The following HIBADH variants were observed in gnomAD, a reference collection of about 807,000 sequenced individuals.
The protein encoded by HIBADH is 3-hydroxyisobutyrate dehydrogenase.
A neutral mutation model predicts 36.1 loss-of-function variants in HIBADH; 25 were observed. The observed-to-expected ratio is 0.69, with a 90% confidence interval of 0.50 to 0.97. HIBADH has a LOEUF of 0.97. Among genes scored for constraint, HIBADH ranks in the 50% least tolerant of loss-of-function variants. The pLI, the probability that HIBADH is intolerant of heterozygous loss-of-function variation, is 0.00. For missense variants in HIBADH, 421 were observed against 418.0 expected (o/e 1.01, Z -0.06); for synonymous variants, 160 against 149.5 (o/e 1.07, Z -0.51).
At chr7:27,595,440 C>A (rs1185718408) in intron 4 of HIBADH, among the ~76,000 whole-genome samples, 2 of 152,026 alleles carry the variant, frequency 1.3e-5, no homozygotes, top group Admixed American at 1.3e-4. Flanking sequence ...ATCATTTGAA[C>A]CTGGGAGGCA....
At chr7:27,625,757 G>C (rs1169785051) in intron 4 of HIBADH, among the ~76,000 whole-genome samples, 4 of 152,078 alleles carry the variant, frequency 2.6e-5, no homozygotes. Flanking sequence ...AAACTCAAGA[G>C]GAAGAGAATC....
In HIBADH at chr7:27,576,339, T is replaced by C. The variant is rs539468121; in HGVS notation, c.485-33239A>G. Among the ~76,000 whole-genome samples the C allele has an allele frequency of 1.4e-4, 21 of 152,366 alleles. No homozygotes were observed. The South Asian group carries it at 4.1e-3, about 30-fold the overall frequency. ...AACAAAGCCTTTGGCAATGTTCTATTCTAATGATGGAGGGCCAACATCAGA... is the reference window on the plus strand; with the variant it reads ...AACAAAGCCTTTGGCAATGTTCTATCCTAATGATGGAGGGCCAACATCAGA... On this transcript the variant is annotated intron_variant, in intron 4 of 7. Coordinates refer to ENST00000265395, the MANE Select transcript of HIBADH (RefSeq NM_152740.4).
At chr7:27,573,264 C>G (rs1784654768) in intron 4 of HIBADH, among the ~76,000 whole-genome samples, 1 of 152,166 alleles carries the variant, frequency 6.6e-6, no homozygotes, top group Non-Finnish European at 1.5e-5. Flanking sequence ...TCATCCAGCC[C>G]CATAATACAT....
intron 6 of HIBADH, 151 bp from the exon 7 acceptor site, chr7:27,531,499 T>A (rs899457553): frequency 1.7e-5 from 11 of 636,294 alleles, no homozygotes; most frequent in Non-Finnish European, 2.7e-5. Context: ...AAGAATCCAA[T>A]TTTGAATTAT....
intron 7 of HIBADH, among the ~76,000 whole-genome samples, chr7:27,530,053 G>A (rs1026708886): frequency 2.6e-5 from 4 of 152,186 alleles, no homozygotes; most frequent in Admixed American, 6.5e-5. Context: ...TAATGCTAAT[G>A]CACACTTAAT....
chr7:27,597,003 CT>C (rs1228135752), intron 4 of HIBADH, among the ~76,000 whole-genome samples: 1 of 151,928 alleles, frequency 6.6e-6, no homozygotes, highest in African/African-American at 2.4e-5. Context: ...GCAATAAAAA[CT>C]TTTTTTAAAT....
At chr7:27,551,492 C>T (rs1397228453) in intron 4 of HIBADH, among the ~76,000 whole-genome samples, 2 of 152,200 alleles carry the variant, frequency 1.3e-5, no homozygotes, top group African/African-American at 2.4e-5. Context: ...TTAAACATGT[C>T]GAAGTCTTTG....
intron 4 of HIBADH, among the ~76,000 whole-genome samples, chr7:27,545,438 AAAAAC>A: frequency 1.3e-5 from 2 of 152,330 alleles, no homozygotes; most frequent in South Asian, 4.1e-4. Context: ...ACCCTGTCTC[AAAAAC>A]AAAACAAAAA....
chr7:27,556,157 G>A lies in HIBADH; in HGVS notation c.485-13057C>T, dbSNP rs115320445. On this transcript the variant is annotated intron_variant, in intron 4 of 7. Coordinates refer to ENST00000265395, the MANE Select transcript of HIBADH (RefSeq NM_152740.4). ...CTCACTTGTTAATAATATCTGCTTC[G>A]ACAGGACTGTGAAAGACTACATAAG... 1.2e-4 allele frequency among the ~76,000 whole-genome samples: 18 copies of A among 152,082 alleles called. 1 individual carries two copies. Among genetic ancestry groups the A allele is most frequent in the South Asian group, 4.1e-4 (2 of 4,832 alleles).
intron 1 of HIBADH, among the ~76,000 whole-genome samples, chr7:27,650,723 A>C (rs1179817613): frequency 6.7e-6 from 1 of 149,260 alleles, no homozygotes; most frequent in East Asian, 2.1e-4. Context: ...AAAAAAAAAA[A>C]AAAAAAAGCC....
chr7:27,620,510 C>CAA (rs956961177), intron 4 of HIBADH, among the ~76,000 whole-genome samples: 1 of 144,920 alleles, frequency 6.9e-6, no homozygotes, highest in East Asian at 2.0e-4. Flanking sequence ...CAAAACAAAA[C>CAA]AAAAAAAAAA....
At chr7:27,609,100 T>G (rs1031307010) in intron 4 of HIBADH, among the ~76,000 whole-genome samples, 5 of 152,314 alleles carry the variant, frequency 3.3e-5, no homozygotes, top group African/African-American at 1.2e-4. Context: ...TTGGCAATAA[T>G]AGTAATTATT....
intron 4 of HIBADH, among the ~76,000 whole-genome samples, chr7:27,563,003 C>G (rs1784489971): frequency 6.6e-6 from 1 of 152,184 alleles, no homozygotes; most frequent in African/African-American, 2.4e-5. Context: ...CAACCACCAT[C>G]ATCAGTGAGG....
intron 1 of HIBADH, 56 bp downstream of exon 1, chr7:27,662,642 C>T: frequency 8.9e-7 from 1 of 1,119,930 alleles, no homozygotes; most frequent in Non-Finnish European, 1.2e-6. Context: ...GCCGTCTGGA[C>T]AGAAGAAGCG....
At position 27,525,996 on chromosome 7, in the gene HIBADH, A is replaced by G. The variant is rs543513289; in HGVS notation, c.*218T>C. ...AAAAAGGTCAATTAAGCTAGTTAGC[A>G]GAGACTATCAGTGGCTTGCAGAAAA... On this transcript the variant is annotated 3_prime_UTR_variant, in exon 8 of 8. Transcript: ENST00000265395. 1 of 337,968 alleles carries G rather than the reference A, an allele frequency of 3.0e-6. No homozygotes were observed. Among genetic ancestry groups the G allele is most frequent in the East Asian group, 4.9e-5 (1 of 20,272 alleles). The allele number at this position is 337,968 out of a possible 1,614,324, so 20.9% of individuals were successfully genotyped here.
chr7:27,605,534 T>C (rs1467260755), intron 4 of HIBADH, among the ~76,000 whole-genome samples: 1 of 120,436 alleles, frequency 8.3e-6, no homozygotes, highest in East Asian at 2.5e-4. Flanking sequence ...GGATTTGAAA[T>C]ATTTGTGAGA....
At chr7:27,640,895 T>A (rs1200320047) in intron 2 of HIBADH, among the ~76,000 whole-genome samples, 1 of 152,218 alleles carries the variant, frequency 6.6e-6, no homozygotes, top group Non-Finnish European at 1.5e-5. Flanking sequence ...ATTATAATCC[T>A]ATGGGACCAC....
intron 6 of HIBADH, among the ~76,000 whole-genome samples, chr7:27,536,134 T>G (rs1379319845): frequency 6.6e-6 from 1 of 152,114 alleles, no homozygotes; most frequent in East Asian, 1.9e-4. Context: ...TCGTGGCCGT[T>G]CTCTATACTC....
intron 4 of HIBADH, among the ~76,000 whole-genome samples, chr7:27,551,076 ATATTT>A (rs1489668388): frequency 5.3e-5 from 8 of 152,194 alleles, no homozygotes; most frequent in Non-Finnish European, 1.2e-4. Flanking sequence ...CAATGTATAC[ATATTT>A]TATAACATGT....
Sources: gnomAD v4.1 joint callset for allele counts (sites outside exome capture counted in the v4.1 genomes callset) on GRCh38, gnomAD v4.1.1 for gene constraint, MANE v1.5 for transcripts, NCBI Gene and HGNC (gene_info 2026-07-23, HGNC 2026-07-21) for gene names.